UVSSA: variants seen among roughly 807,000 people sequenced by gnomAD.
UVSSA encodes UV stimulated scaffold protein A.
UVSSA carries 72 observed loss-of-function variants against 73.9 expected under a neutral mutation model. The ratio of observed to expected loss-of-function variants is 0.97; its 90% CI spans 0.81 to 1.19. The LOEUF (loss-of-function observed/expected upper bound fraction) is 1.19. Ranked by LOEUF, UVSSA falls within the 50% of genes most tolerant of loss-of-function variation. The probability of loss-of-function intolerance (pLI) is 0.00; values close to 1 mark genes in which losing one functional copy is unlikely to be tolerated. For missense variants in UVSSA, 1,150 were observed against 965.0 expected (o/e 1.19, Z -2.54); for synonymous variants, 454 against 391.3 (o/e 1.16, Z -1.89).
exon 14 of UVSSA, chr4:1,394,204 G>A (rs1720468578): frequency 3.8e-6 from 2 of 523,918 alleles, no homozygotes; most frequent in Admixed American, 3.4e-5. Context: ...AGCCTTCCAT[G>A]CCTCCAGGAG....
chr4:1,380,195 G>T lies in UVSSA; in HGVS notation c.1717G>T (p.Asp573Tyr). Residue 573 changes from aspartate (D) to tyrosine (Y), a missense_variant, in exon 11 of 14, where the codon GAC (aspartate) becomes TAC (tyrosine). Physicochemically the swap from Asp to Tyr is radical, Grantham distance 160. Coordinates refer to ENST00000389851, the MANE Select transcript of UVSSA (RefSeq NM_020894.4). ...VQHWCRAPRPDGRLCERQDRL... is the reference protein window; with the variant it reads ...VQHWCRAPRPYGRLCERQDRL... ...GCACTGGTGCCGTGCCCCGAGGCCAGACGGCCGGCTCTGTGAGCGCCAAGA... is the reference window on the plus strand; with the variant it reads ...GCACTGGTGCCGTGCCCCGAGGCCATACGGCCGGCTCTGTGAGCGCCAAGA... 1 of 1,612,762 alleles carries T rather than the reference G, an allele frequency of 6.2e-7. No individual in the cohort carries two copies.
intron 8 of UVSSA, among the ~76,000 whole-genome samples, chr4:1,370,130 A>G (rs1717851774): frequency 6.6e-6 from 1 of 152,262 alleles, no homozygotes; most frequent in Non-Finnish European, 1.5e-5. Context: ...TTAAAACAAC[A>G]AATCGATGAA....
chr4:1,361,274 A>G (rs28437782), intron 7 of UVSSA, among the ~76,000 whole-genome samples: 21,500 of 152,278 alleles, frequency 0.14, 1,723 homozygotes, highest in African/African-American at 0.2. Flanking sequence ...GAGGCCCACC[A>G]TGCTGGCTGG....
chr4:1,348,060 A>G (rs775564515), intron 1 of UVSSA, 30 bp from the exon 2 acceptor site: 101 of 1,516,846 alleles, frequency 6.7e-5, no homozygotes, highest in Non-Finnish European at 8.8e-5. Flanking sequence ...ACAGATGGTG[A>G]TATAGCATCT....
intron 8 of UVSSA, 176 bp from the exon 9 acceptor site, chr4:1,375,188 G>T: frequency 9.7e-7 from 1 of 1,032,138 alleles, no homozygotes; most frequent in Non-Finnish European, 1.4e-6. Flanking sequence ...CGTGGCCTGA[G>T]CTGCTGCTCC....
At chr4:1,364,455 C>T (rs980085474) in intron 7 of UVSSA, among the ~76,000 whole-genome samples, 2 of 152,222 alleles carry the variant, frequency 1.3e-5, no homozygotes, top group Admixed American at 6.5e-5. Flanking sequence ...TGTGGGCTCC[C>T]GCCCTAGGGG....
intron 5 of UVSSA, 86 bp downstream of exon 5, chr4:1,353,499 C>T: frequency 7.0e-7 from 1 of 1,424,428 alleles, no homozygotes; most frequent in Non-Finnish European, 9.2e-7. Context: ...GGCCCAGGAG[C>T]CTGGGGATGC....
exon 14 of UVSSA, chr4:1,394,386 G>C (rs1560500570): frequency 6.9e-7 from 1 of 1,454,006 alleles, no homozygotes; most frequent in South Asian, 1.3e-5. Context: ...TTTTCTTCTA[G>C]TACTTTTATG....
At chr4:1,382,434 C>G (rs1439265076) in intron 12 of UVSSA, among the ~76,000 whole-genome samples, 1 of 152,236 alleles carries the variant, frequency 6.6e-6, no homozygotes, top group Non-Finnish European at 1.5e-5. Context: ...CTGGTGCTAA[C>G]CTCAGTGACA....
At chr4:1,377,112 T>A (rs1215590687) in intron 10 of UVSSA, among the ~76,000 whole-genome samples, 2 of 152,036 alleles carry the variant, frequency 1.3e-5, no homozygotes, top group African/African-American at 2.4e-5. Context: ...TGTGAGGGGC[T>A]GATGTCAGAA....
intron 4 of UVSSA, 145 bp from the exon 5 acceptor site, chr4:1,352,885 G>T (rs758632675): frequency 1.8e-6 from 2 of 1,142,478 alleles, no homozygotes; most frequent in South Asian, 1.6e-5. Flanking sequence ...GTCGAGGCTG[G>T]GGTGAGCTGT....
At chr4:1,394,246 C>A in exon 14 of UVSSA, 2 of 671,654 alleles carry the variant, frequency 3.0e-6, no homozygotes, top group Non-Finnish European at 4.9e-6. Flanking sequence ...CCACTGTGGG[C>A]ATCTCGTTCC....
intron 10 of UVSSA, among the ~76,000 whole-genome samples, chr4:1,379,146 A>C (rs969204236): frequency 3.9e-5 from 6 of 152,210 alleles, no homozygotes; most frequent in African/African-American, 1.4e-4. Flanking sequence ...AGCTTCGGGC[A>C]GAGCCGACCG....
intron 7 of UVSSA, chr4:1,356,582 G>T (rs1173548380): frequency 6.6e-6 from 1 of 152,322 alleles, no homozygotes. Flanking sequence ...AAGGATGCTG[G>T]TCTAGGCTTG....
chr4:1,393,446 T>G (rs931928582), exon 14 of UVSSA: 9 of 152,214 alleles, frequency 5.9e-5, no homozygotes, highest in African/African-American at 1.9e-4. Flanking sequence ...TCCCAGCTAC[T>G]TGGGAGGCAG....
rs387907163 is a variant in UVSSA, at chr4:1,349,792, A to T, written c.367A>T (p.Lys123Ter). ...TTRAVEGWNEKFGEAYKKLAL... is the reference protein window; with the variant it reads ...TTRAVEGWNE ...CCGGGCCGTGGAAGGGTGGAATGAG[A>T]AGTTTGGGGAGGCCTACAAGAAGCT... Residue 123 changes from lysine to a stop codon, truncating the protein, a stop_gained, in exon 3 of 14, where the codon AAG (lysine) becomes TAG (stop). Transcript: ENST00000389851. LOFTEE classifies it high-confidence loss of function. 10 of 1,595,866 alleles carry T rather than the reference A, an allele frequency of 6.3e-6. 1 individual carries two copies. In the East Asian group the frequency reaches 2.2e-4, roughly 36 times the overall value.
At chr4:1,345,636 CTT>C (rs566074938), upstream of UVSSA, among the ~76,000 whole-genome samples, 2 of 90,778 alleles carry the variant, frequency 2.2e-5, no homozygotes, top group South Asian at 3.9e-4. Flanking sequence ...CAAAGCGAGA[CTT>C]TGTCTCAAAA....
At chr4:1,354,974 C>A in intron 6 of UVSSA, 127 bp downstream of exon 6, 1 of 1,527,600 alleles carries the variant, frequency 6.5e-7, no homozygotes, top group Non-Finnish European at 8.8e-7. Context: ...AGGGCTCTGT[C>A]CCTCACCCGC....
At chr4:1,364,017 G>C (rs1373507213) in intron 7 of UVSSA, among the ~76,000 whole-genome samples, 234 of 80,816 alleles carry the variant, frequency 2.9e-3, no homozygotes, top group East Asian at 6.2e-3. Context: ...GCCACCTCCC[G>C]GCAGGGTGCT....
Sources: gnomAD v4.1 joint callset for allele counts (sites outside exome capture counted in the v4.1 genomes callset) on GRCh38, gnomAD v4.1.1 for gene constraint, MANE v1.5 for transcripts, NCBI Gene and HGNC (gene_info 2026-07-23, HGNC 2026-07-21) for gene names.